GRID1: variants seen among roughly 807,000 people sequenced by gnomAD.
GRID1 encodes glutamate receptor ionotropic, delta-1.
Under a neutral mutation model 98.0 loss-of-function variants are expected in GRID1, and 28 were observed. The ratio of observed to expected loss-of-function variants is 0.29; its 90% CI spans 0.21 to 0.39. The LOEUF is 0.39. Among genes scored for constraint, GRID1 ranks in the 10% least tolerant of loss-of-function variants. The pLI, the probability that GRID1 is intolerant of heterozygous loss-of-function variation, is 1.00. For synonymous variants in GRID1, 553 were observed against 538.5 expected (o/e 1.03, Z -0.37); for missense variants, 1,111 against 1,340.5 (o/e 0.83, Z 2.67).
intron 8 of GRID1, among the ~76,000 whole-genome samples, chr10:85,824,912 CTA>C (rs969324993): frequency 6.6e-6 from 1 of 152,126 alleles, no homozygotes; most frequent in African/African-American, 2.4e-5. Context: ...GTATGCCACA[CTA>C]TATATATACC....
chr10:85,729,010 G>A (rs1841792881), intron 9 of GRID1, among the ~76,000 whole-genome samples: 1 of 152,170 alleles, frequency 6.6e-6, no homozygotes, highest in Non-Finnish European at 1.5e-5. Flanking sequence ...TCTTACAAAT[G>A]CAAAAGTCTA....
chr10:85,800,262 A>C (rs1842563641), intron 8 of GRID1, among the ~76,000 whole-genome samples: 1 of 152,080 alleles, frequency 6.6e-6, no homozygotes, highest in Admixed American at 6.6e-5. Flanking sequence ...TGTGAACAAC[A>C]CAATTTAATG....
At chr10:86,226,784 A>G (rs1399754220) in intron 2 of GRID1, among the ~76,000 whole-genome samples, 3 of 150,758 alleles carry the variant, frequency 2.0e-5, no homozygotes, top group African/African-American at 7.3e-5. Context: ...AGAGGCAGCC[A>G]GGCCTCCCCT....
intron 6 of GRID1, among the ~76,000 whole-genome samples, chr10:85,858,748 A>G (rs962073436): frequency 6.6e-6 from 1 of 152,144 alleles, no homozygotes. Context: ...AGCTGATGCT[A>G]TTTAACCAGC....
chr10:86,129,865 T>C (rs1844807722), intron 4 of GRID1, among the ~76,000 whole-genome samples: 1 of 152,256 alleles, frequency 6.6e-6, no homozygotes, highest in Admixed American at 6.5e-5. Context: ...CTCTTTCCCC[T>C]GCCTGTTGAG....
chr10:85,644,800 A>G (rs1386152457), intron 13 of GRID1, among the ~76,000 whole-genome samples: 3 of 152,226 alleles, frequency 2.0e-5, no homozygotes, highest in African/African-American at 7.2e-5. Context: ...CAATTAACCA[A>G]CTGTTACTCC....
At chr10:86,117,726 A>C (rs540872820) in intron 4 of GRID1, among the ~76,000 whole-genome samples, 43 of 152,378 alleles carry the variant, frequency 2.8e-4, no homozygotes, top group Non-Finnish European at 5.3e-4. Context: ...AACATCATTA[A>C]TTATCAGAGA....
intron 8 of GRID1, among the ~76,000 whole-genome samples, chr10:85,811,695 G>A (rs928449868): frequency 6.6e-6 from 1 of 152,084 alleles, no homozygotes; most frequent in Non-Finnish European, 1.5e-5. Flanking sequence ...AAAGCCTACA[G>A]AATTTATGGA....
At chr10:85,955,084 T>G (rs1647152596) in intron 4 of GRID1, among the ~76,000 whole-genome samples, 3 of 152,134 alleles carry the variant, frequency 2.0e-5, no homozygotes, top group Admixed American at 1.3e-4. Context: ...AGGTGCAGCA[T>G]GGAGTTATGA....
chr10:86,354,672 C>A (rs958626794), intron 2 of GRID1, among the ~76,000 whole-genome samples: 1 of 152,242 alleles, frequency 6.6e-6, no homozygotes, highest in Non-Finnish European at 1.5e-5. Flanking sequence ...TTCCACCTGA[C>A]CCCTTTCCAC....
chr10:86,034,439 G>A (rs1291005313), intron 4 of GRID1, among the ~76,000 whole-genome samples: 1 of 152,180 alleles, frequency 6.6e-6, no homozygotes, highest in African/African-American at 2.4e-5. Context: ...CTTTCCAGAA[G>A]CCTGGTGGGT....
chr10:85,744,457 A>G (rs1307959640), intron 8 of GRID1, among the ~76,000 whole-genome samples: 5 of 151,274 alleles, frequency 3.3e-5, no homozygotes, highest in Non-Finnish European at 7.4e-5. Context: ...CCTGAGAAAA[A>G]CAAGCAATGG....
chr10:86,051,951 G>C (rs1025710709), intron 4 of GRID1, among the ~76,000 whole-genome samples: 1 of 152,136 alleles, frequency 6.6e-6, no homozygotes, highest in African/African-American at 2.4e-5. Flanking sequence ...TATCTTTATA[G>C]ATACACTTGC....
intron 2 of GRID1, among the ~76,000 whole-genome samples, chr10:86,229,244 C>T (rs1320551393): frequency 6.6e-6 from 1 of 152,152 alleles, no homozygotes; most frequent in Non-Finnish European, 1.5e-5. Flanking sequence ...TGCCTGGGGC[C>T]AGCACTGCCA....
intron 2 of GRID1, among the ~76,000 whole-genome samples, chr10:86,273,061 A>C (rs1373587214): frequency 4.3e-4 from 57 of 132,846 alleles, no homozygotes; most frequent in African/African-American, 7.2e-4. Context: ...ATCCCTCCCC[A>C]CTCCCCCCAC....
intron 5 of GRID1, among the ~76,000 whole-genome samples, chr10:85,877,750 A>T (rs1223003210): frequency 2.0e-5 from 3 of 152,264 alleles, no homozygotes; most frequent in Non-Finnish European, 4.4e-5. Context: ...CCTCACCAGC[A>T]ACGGAACAAA....
chr10:85,933,037 T>C (rs867199032), intron 4 of GRID1, among the ~76,000 whole-genome samples: 3 of 152,318 alleles, frequency 2.0e-5, no homozygotes, highest in African/African-American at 4.8e-5. Context: ...TGGGGTCTAA[T>C]AGAAGGTGTT....
rs931411973 is a variant in GRID1, at chr10:86,237,141, A to G, written c.236-30493T>C. On this transcript the variant is annotated intron_variant, in intron 2 of 15. Transcript: ENST00000327946. ...CATTTCTCACTACGCTCCTGGGAGG[A>G]GGTGACATTACCTCCTATGTTAAGG... 2.0e-5 allele frequency among the ~76,000 whole-genome samples: 3 copies of G among 152,074 alleles called. No homozygotes were observed. The East Asian group carries it at 5.8e-4, about 29-fold the overall frequency.
chr10:85,715,943 A>G (rs904020300), intron 12 of GRID1, among the ~76,000 whole-genome samples: 6 of 150,608 alleles, frequency 4.0e-5, no homozygotes, highest in Admixed American at 2.6e-4. Context: ...GTCTAACTCT[A>G]TTGCCCAGGC....
Sources: allele counts gnomAD v4.1 joint callset (sites outside exome capture counted in the v4.1 genomes callset), GRCh38; gene constraint gnomAD v4.1.1; transcripts MANE v1.5; gene names NCBI Gene and HGNC (gene_info 2026-07-23, HGNC 2026-07-21).